The following PAAF1 variants were observed in gnomAD, a reference collection of about 807,000 sequenced individuals.
The protein encoded by PAAF1 is proteasomal ATPase-associated factor 1.
A neutral mutation model predicts 52.8 loss-of-function variants in PAAF1; 46 were observed. The observed-to-expected ratio is 0.87, with a 90% CI of 0.69 to 1.11. PAAF1 has a LOEUF of 1.11. Ranked by LOEUF, PAAF1 falls within the 50% of genes most tolerant of loss-of-function variation. The probability of loss-of-function intolerance (pLI) is 0.00; values close to 1 mark genes in which losing one functional copy is unlikely to be tolerated. For missense variants in PAAF1, 424 were observed against 477.4 expected (o/e 0.89, Z 1.04); for synonymous variants, 178 against 172.8 (o/e 1.03, Z -0.24).
Position 73,887,466 on chromosome 11 carries a change from T to G in PAAF1, c.192+9T>G, listed in dbSNP as rs1565126934. 1.9e-6 allele frequency: 3 copies of G among 1,572,102 alleles called. No individual in the cohort carries two copies. The highest frequency in any genetic ancestry group is 2.3e-5 in the South Asian group (2 of 86,458). ...TGAATGAAATAAACAAGGTATGTTTTTATGTCTTCTAGATGGCATGATATT... is the reference window on the plus strand; with the variant it reads ...TGAATGAAATAAACAAGGTATGTTTGTATGTCTTCTAGATGGCATGATATT... On this transcript the variant is annotated intron_variant, in intron 3 of 11. Transcript: ENST00000310571.
At chr11:73,920,022 T>A (rs772427683) in intron 10 of PAAF1, among the ~76,000 whole-genome samples, 4 of 151,936 alleles carry the variant, frequency 2.6e-5, no homozygotes, top group Non-Finnish European at 4.4e-5. Context: ...TCCAGGATGT[T>A]AAGGAAAGAC....
chr11:73,928,608 TAGAGA>T lies in PAAF1; in HGVS notation c.*1248_*1252del, dbSNP rs201480962. The T allele has an allele frequency of 1.3e-5, 2 of 152,258 alleles. No individual in the cohort carries two copies. The highest frequency in any genetic ancestry group is 2.1e-4 in the South Asian group (1 of 4,832). 9.4% of individuals were successfully genotyped at this position (152,258 alleles called of 1,614,324 possible). On this transcript the variant is annotated 3_prime_UTR_variant, in exon 12 of 12. Transcript: ENST00000310571. Reference sequence around the variant, plus strand: ...ATATTATTTATATTTTTGAGATTATTAGAGAAAAGTTTCTTGAAAGATGTAACACT... The same window carrying T: ...ATATTATTTATATTTTTGAGATTATTAAAGTTTCTTGAAAGATGTAACACT...
Position 73,893,867 on chromosome 11 carries a change from T to A in PAAF1, c.282+2666T>A, listed in dbSNP as rs111690592. On this transcript the variant is annotated intron_variant, in intron 4 of 11. Coordinates refer to ENST00000310571, the MANE Select transcript of PAAF1 (RefSeq NM_025155.3). ...TGAGCCCAAGAGTTCAAGACCAGCC[T>A]GGACAACATAGTAAGACCTCGTCTC... Among the ~76,000 whole-genome samples the A allele has an allele frequency of 3.7e-3, 562 of 152,206 alleles. 3 individuals carry two copies. Among genetic ancestry groups the A allele is most frequent in the Non-Finnish European group, 7.0e-3 (476 of 67,992 alleles).
intron 4 of PAAF1, among the ~76,000 whole-genome samples, chr11:73,896,298 TTTTA>T (rs1394979433): frequency 9.0e-6 from 1 of 111,332 alleles, no homozygotes; most frequent in African/African-American, 4.9e-5. Flanking sequence ...TTTTTTTCTT[TTTTA>T]TTTATTTTTT....
At chr11:73,916,681 A>G in intron 9 of PAAF1, 21 bp downstream of exon 9, 2 of 1,564,472 alleles carry the variant, frequency 1.3e-6, no homozygotes, top group East Asian at 2.2e-5. Context: ...ATTCATTTAC[A>G]TGATGCAGGT....
At chr11:73,918,271 A>G in intron 9 of PAAF1, among the ~76,000 whole-genome samples, 1 of 151,476 alleles carries the variant, frequency 6.6e-6, no homozygotes, top group East Asian at 1.9e-4. Flanking sequence ...CTGCCATTCT[A>G]AGTTTATTCC....
intron 6 of PAAF1, among the ~76,000 whole-genome samples, chr11:73,908,970 A>G (rs1025110099): frequency 2.6e-5 from 4 of 151,720 alleles, no homozygotes; most frequent in Non-Finnish European, 5.9e-5. Context: ...TATTTTTAGT[A>G]AAGACAGGGT....
Position 73,929,012 on chromosome 11 carries a change from C to T in PAAF1, c.*1650C>T, listed in dbSNP as rs1439487651. 2 of 152,164 alleles carry T rather than the reference C, an allele frequency of 1.3e-5. No individual in the cohort carries two copies. Among genetic ancestry groups the T allele is most frequent in the Non-Finnish European group, 2.9e-5 (2 of 68,100 alleles). The allele number at this position is 152,164 out of a possible 1,614,324, so 9.4% of individuals were successfully genotyped here. A position where few individuals can be genotyped will look rare whatever the true frequency, so the allele number is the denominator to read the frequency against. ...GGGATTACAGGTGTGAGCCACCGTA[C>T]CCGGCCGGCCACCAGAGTTTTTAAA... On this transcript the variant is annotated 3_prime_UTR_variant, in exon 12 of 12. Coordinates refer to ENST00000310571, the MANE Select transcript of PAAF1 (RefSeq NM_025155.3).
intron 4 of PAAF1, among the ~76,000 whole-genome samples, chr11:73,898,678 G>A (rs1010427419): frequency 1.3e-5 from 2 of 152,116 alleles, no homozygotes; most frequent in Non-Finnish European, 2.9e-5. Flanking sequence ...ATAAGGCACA[G>A]TGGTGTGCGC....
chr11:73,892,339 A>AG (rs907439844), intron 4 of PAAF1, among the ~76,000 whole-genome samples: 17 of 151,590 alleles, frequency 1.1e-4, no homozygotes, highest in Admixed American at 2.6e-4. Flanking sequence ...AAAAAAAAAA[A>AG]AAAGAAAGAA....
At chr11:73,908,299 GTATATATGTA>G (rs1404757957) in intron 6 of PAAF1, among the ~76,000 whole-genome samples, 29 of 143,898 alleles carry the variant, frequency 2.0e-4, no homozygotes, top group Admixed American at 9.2e-4. Context: ...ATATATGTGT[GTATATATGTA>G]TATATATGTG....
intron 2 of PAAF1, among the ~76,000 whole-genome samples, chr11:73,885,960 C>T (rs566317995): frequency 1.4e-3 from 208 of 152,188 alleles, no homozygotes; most frequent in African/African-American, 4.8e-3. Flanking sequence ...ATGAATGTAG[C>T]ACCCTGCTAG....
chr11:73,916,520 A>AT (rs1339728160), intron 8 of PAAF1, 25 bp from the exon 9 acceptor site: 1 of 1,505,044 alleles, frequency 6.6e-7, no homozygotes, highest in Admixed American at 1.8e-5. Flanking sequence ...TTTAAACAGC[A>AT]TTTTTGCCTC....
At chr11:73,900,527 C>T (rs780581051) in intron 6 of PAAF1, 107 bp downstream of exon 6, 96 of 1,309,840 alleles carry the variant, frequency 7.3e-5, no homozygotes, top group Non-Finnish European at 9.5e-5. Context: ...AATAATCCAT[C>T]CAGCTGGGCA....
rs1459413115 is a variant in PAAF1 at position 73,900,714 on chromosome 11, G to A, written c.532+294G>A. ...AAGTTGTTTTCTGGCCGGGCGCGGT[G>A]GCTCACGCCTGTAATCCCAGCACTT... On this transcript the variant is annotated intron_variant, in intron 6 of 11. Transcript: ENST00000310571. Among the ~76,000 whole-genome samples the A allele has an allele frequency of 3.9e-5, 6 of 152,228 alleles. No individual in the cohort carries two copies. The East Asian group carries it at 1.2e-3, about 29-fold the overall frequency.
In PAAF1 at chr11:73,909,473, T is replaced by C; in HGVS notation, c.607T>C (p.Trp203Arg). Residue 203 changes from tryptophan (W) to arginine (R), a missense_variant, in exon 7 of 12, where the codon TGG (tryptophan) becomes CGG (arginine). Coordinates refer to ENST00000310571, the MANE Select transcript of PAAF1 (RefSeq NM_025155.3). ...TTCTCGAGATGGGACAGCACGACTT[T>C]GGGATTGTGGGCGCTCAGCCTGCTT... Reference protein sequence around the residue: ...SASRDGTARLWDCGRSACLGV... With the variant: ...SASRDGTARLRDCGRSACLGV... The C allele has an allele frequency of 1.2e-6, 2 of 1,614,130 alleles. No individual in the cohort carries two copies. Among genetic ancestry groups the C allele is most frequent in the Non-Finnish European group, 1.7e-6 (2 of 1,180,028 alleles).
At chr11:73,903,590 G>A (rs1264048431) in intron 6 of PAAF1, among the ~76,000 whole-genome samples, 1 of 151,544 alleles carries the variant, frequency 6.6e-6, no homozygotes. Flanking sequence ...GGTGGCTGGA[G>A]CCTGTAATCC....
chr11:73,887,678 A>C (rs1320207607), intron 3 of PAAF1, among the ~76,000 whole-genome samples: 1 of 152,240 alleles, frequency 6.6e-6, no homozygotes, highest in African/African-American at 2.4e-5. Context: ...CAGCTCTGAT[A>C]ATGCAAGATG....
chr11:73,925,876 C>T (rs1284781024), intron 11 of PAAF1, among the ~76,000 whole-genome samples: 3 of 152,090 alleles, frequency 2.0e-5, no homozygotes, highest in Non-Finnish European at 4.4e-5. Context: ...CTTTTTGGTT[C>T]CCTTTCTCTT....
Sources: gnomAD v4.1 joint callset for allele counts (sites outside exome capture counted in the v4.1 genomes callset) on GRCh38, gnomAD v4.1.1 for gene constraint, MANE v1.5 for transcripts, NCBI Gene and HGNC (gene_info 2026-07-23, HGNC 2026-07-21) for gene names.